RELN: variants seen among roughly 807,000 people sequenced by gnomAD.
The protein encoded by RELN is reelin.
RELN carries 108 observed loss-of-function variants against 427.6 expected under a neutral mutation model. The observed-to-expected ratio is 0.25, with a 90% CI of 0.22 to 0.30. The LOEUF (loss-of-function observed/expected upper bound fraction) is 0.30, where lower values mean the gene tolerates loss of function less well. Ranked by LOEUF, RELN falls within the 10% of genes least tolerant of loss-of-function variation. The probability of loss-of-function intolerance (pLI) is 1.00; values close to 1 mark genes in which losing one functional copy is unlikely to be tolerated. For missense variants in RELN, 3,715 were observed against 4,302.8 expected (o/e 0.86, Z 3.82); for synonymous variants, 1,524 against 1,513.4 (o/e 1.01, Z -0.16).
chr7:103,724,480 C>T (rs759564744), intron 7 of RELN, among the ~76,000 whole-genome samples: 5 of 152,132 alleles, frequency 3.3e-5, no homozygotes, highest in Non-Finnish European at 2.9e-5. Context: ...TTTAAATACA[C>T]GGCTATAAAG....
chr7:103,482,658 G>A, intron 63 of RELN: 1 of 533,764 alleles, frequency 1.9e-6, no homozygotes, highest in Non-Finnish European at 2.4e-6. Context: ...TGTGCTTATG[G>A]AAGTTTTCTA....
chr7:103,854,368 T>C (rs1045287037), intron 2 of RELN, among the ~76,000 whole-genome samples: 2 of 152,232 alleles, frequency 1.3e-5, no homozygotes, highest in African/African-American at 4.8e-5. Context: ...CTGAACTTTT[T>C]TTGTTTCTGA....
chr7:103,685,585 T>A (rs113017288), intron 10 of RELN, among the ~76,000 whole-genome samples: 35 of 152,262 alleles, frequency 2.3e-4, no homozygotes, highest in African/African-American at 8.2e-4. Flanking sequence ...TTTTTATTTG[T>A]ATTTCTAGCA....
At chr7:103,879,125 G>C (rs1033432329) in intron 2 of RELN, among the ~76,000 whole-genome samples, 2 of 152,182 alleles carry the variant, frequency 1.3e-5, no homozygotes, top group African/African-American at 4.8e-5. Context: ...TTAAGAGGCT[G>C]AGCTCTGCAG....
At chr7:103,902,032 A>G (rs1795094091) in intron 2 of RELN, among the ~76,000 whole-genome samples, 1 of 152,058 alleles carries the variant, frequency 6.6e-6, no homozygotes, top group African/African-American at 2.4e-5. Context: ...GCAACAGCAC[A>G]GTGTGGGGAA....
Position 103,820,914 on chromosome 7 carries a change from AACTT to A in RELN, c.473+12619_473+12622del, listed in dbSNP as rs1435973281. The stretch of plus-strand genomic sequence containing the variant: ...CACACACGTTTAATTTTGAGAGAAA[AACTT>A]TAAAGCATGTTTATCGAACCTTTAC... On this transcript the variant is annotated intron_variant, in intron 3 of 64. Coordinates refer to ENST00000428762, the MANE Select transcript of RELN (RefSeq NM_005045.4). Among the ~76,000 whole-genome samples the A allele has an allele frequency of 3.3e-5, 5 of 152,180 alleles. No homozygotes were observed. In the South Asian group the frequency reaches 1.0e-3, roughly 32 times the overall value.
intron 51 of RELN, among the ~76,000 whole-genome samples, chr7:103,509,700 T>C (rs1171822790): frequency 6.6e-6 from 1 of 151,858 alleles, no homozygotes; most frequent in Admixed American, 6.6e-5. Context: ...AAAGAAACTA[T>C]TAGAGTGAAT....
intron 1 of RELN, among the ~76,000 whole-genome samples, chr7:103,982,018 TTA>T (rs1393961555): frequency 2.0e-5 from 3 of 152,000 alleles, no homozygotes; most frequent in African/African-American, 7.2e-5. Flanking sequence ...AACACAAAAA[TTA>T]CCTGGTCTAG....
Position 103,545,338 on chromosome 7 carries a change from G to T in RELN, c.6309C>A (p.Val2103=). The change falls in exon 42 of 65, where the codon GTC becomes GTA. Residue 2103 remains valine (V), a synonymous_variant. Transcript: ENST00000428762. ...AAAATCCCTGGTACCATCTGAAACG[G>T]ACAGATCTGGAAAAGAGGACAAGTC... ...HFGKLHLCGS[V]RFRWYQGFYP... The T allele has an allele frequency of 6.2e-7, 1 of 1,610,414 alleles. No individual in the cohort carries two copies. The highest frequency in any genetic ancestry group is 8.5e-7 in the Non-Finnish European group (1 of 1,176,720).
At chr7:103,697,144 C>T (rs775957212) in intron 10 of RELN, among the ~76,000 whole-genome samples, 7 of 152,060 alleles carry the variant, frequency 4.6e-5, no homozygotes, top group Non-Finnish European at 7.4e-5. Flanking sequence ...ATTTGATGTT[C>T]GGTAAGGGCC....
chr7:103,830,421 TA>T, intron 3 of RELN, among the ~76,000 whole-genome samples: 2 of 152,150 alleles, frequency 1.3e-5, no homozygotes, highest in Non-Finnish European at 2.9e-5. Context: ...GTTTAATTTC[TA>T]AGAAATAATC....
chr7:103,935,443 A>G (rs1163100978), intron 1 of RELN, among the ~76,000 whole-genome samples: 1 of 151,342 alleles, frequency 6.6e-6, no homozygotes, highest in African/African-American at 2.4e-5. Flanking sequence ...TTTTTCCTGC[A>G]TAACTGGAAA....
At chr7:103,845,497 G>A (rs759210633) in intron 2 of RELN, among the ~76,000 whole-genome samples, 26 of 152,278 alleles carry the variant, frequency 1.7e-4, no homozygotes, top group Middle Eastern at 3.4e-3. Flanking sequence ...CAACATTGTG[G>A]TTGACCACTG....
chr7:103,488,195 A>C (rs563251037), intron 60 of RELN, among the ~76,000 whole-genome samples: 6 of 152,306 alleles, frequency 3.9e-5, no homozygotes, highest in South Asian at 2.1e-4. Flanking sequence ...TAAATAAATA[A>C]TGATAAAACT....
intron 17 of RELN, among the ~76,000 whole-genome samples, chr7:103,638,498 A>G (rs191332996): frequency 4.1e-4 from 62 of 152,222 alleles, no homozygotes; most frequent in Middle Eastern, 3.4e-3. Context: ...TAAAGTTGCA[A>G]AGGTCCCAGA....
At chr7:103,748,452 C>T (rs1489252523) in intron 6 of RELN, among the ~76,000 whole-genome samples, 2 of 152,174 alleles carry the variant, frequency 1.3e-5, no homozygotes, top group African/African-American at 4.8e-5. Context: ...AGAGTCATCT[C>T]TCCTTTCTTT....
chr7:103,930,443 G>A (rs1172212302), intron 1 of RELN, among the ~76,000 whole-genome samples: 1 of 150,816 alleles, frequency 6.6e-6, no homozygotes, highest in African/African-American at 2.4e-5. Flanking sequence ...CGGGTGGGGG[G>A]TGTGGACAGT....
chr7:103,922,213 C>T (rs1384650039), intron 1 of RELN, among the ~76,000 whole-genome samples: 5 of 151,308 alleles, frequency 3.3e-5, no homozygotes, highest in African/African-American at 1.2e-4. Flanking sequence ...GAAAAGTAAA[C>T]AAAAAAATAA....
chr7:103,489,707 C>T (rs1184469709), intron 60 of RELN, 35 bp downstream of exon 60: 1 of 1,611,546 alleles, frequency 6.2e-7, no homozygotes, highest in Non-Finnish European at 8.5e-7. Context: ...ACCTCTTGGT[C>T]TCCTCTATCA....
Sources: gnomAD v4.1 joint callset for allele counts (sites outside exome capture counted in the v4.1 genomes callset) on GRCh38, gnomAD v4.1.1 for gene constraint, MANE v1.5 for transcripts, NCBI Gene and HGNC (gene_info 2026-07-23, HGNC 2026-07-21) for gene names.